NCOA3: variants seen among roughly 807,000 people sequenced by gnomAD.
NCOA3 encodes the protein nuclear receptor coactivator 3.
NCOA3 carries 51 observed loss-of-function variants against 158.8 expected under a neutral mutation model. The ratio of observed to expected loss-of-function variants is 0.32; its 90% CI spans 0.26 to 0.41. The LOEUF (loss-of-function observed/expected upper bound fraction) is 0.41, where lower values mean the gene tolerates loss of function less well. Ranked by LOEUF, NCOA3 falls within the 10% of genes least tolerant of loss-of-function variation. The pLI, the probability that NCOA3 is intolerant of heterozygous loss-of-function variation, is 1.00. For synonymous variants in NCOA3, 537 were observed against 592.4 expected, an observed-to-expected ratio of 0.91 and a Z score of 1.36; for missense variants, 1,510 against 1,746.6, an observed-to-expected ratio of 0.86 and a Z score of 2.41.
chr20:47,567,399 C>CT lies in NCOA3; in HGVS notation c.-98-15772dup, dbSNP rs533096346. On this transcript the variant is annotated intron_variant, in intron 1 of 22. Transcript: ENST00000371998. Reference sequence around the variant, plus strand: ...AATATTTGAGTACTTTTCTTTCTTTCTTTTTTTTTTTTAAAGAGCTAGGAT... The same window carrying CT: ...AATATTTGAGTACTTTTCTTTCTTTCTTTTTTTTTTTTTAAAGAGCTAGGAT... Among the ~76,000 whole-genome samples the CT allele has an allele frequency of 4.7e-3, 675 of 143,704 alleles. 4 individuals carry two copies. Among genetic ancestry groups the CT allele is most frequent in the African/African-American group, 8.4e-3 (331 of 39,494 alleles). The allele number at this position is 143,704 out of a possible 152,430, so 94.3% of individuals were successfully genotyped here.
intron 16 of NCOA3, 53 bp downstream of exon 16, chr20:47,640,104 A>G: frequency 6.2e-7 from 1 of 1,610,778 alleles, no homozygotes; most frequent in South Asian, 1.1e-5. Context: ...GGTAGTTTAG[A>G]AAAGAGTTGG....
intron 2 of NCOA3, among the ~76,000 whole-genome samples, chr20:47,593,300 T>A (rs1415168224): frequency 6.7e-6 from 1 of 149,704 alleles, no homozygotes; most frequent in Non-Finnish European, 1.5e-5. Flanking sequence ...TCTCGGAAAT[T>A]AACTCTTTGG....
chr20:47,511,134 G>A (rs372105575), intron 1 of NCOA3, among the ~76,000 whole-genome samples: 1 of 152,000 alleles, frequency 6.6e-6, no homozygotes, highest in African/African-American at 2.4e-5. Flanking sequence ...GTGATAAGTC[G>A]GTTTTGCCTA....
chr20:47,591,064 C>T lies in NCOA3; in HGVS notation c.-20+7803C>T, dbSNP rs374025270. Among the ~76,000 whole-genome samples, 25 of 152,108 alleles carry T rather than the reference C, an allele frequency of 1.6e-4. No homozygotes were observed. The East Asian group carries it at 3.1e-3, about 19-fold the overall frequency. On this transcript the variant is annotated intron_variant, in intron 2 of 22. Coordinates refer to ENST00000371998, the MANE Select transcript of NCOA3 (RefSeq NM_181659.3). ...GGCAGAGGCTGCAGTGAGCCGAGATCGCACCATTGCATTCCAGCCTGGGAA... is the reference window on the plus strand; with the variant it reads ...GGCAGAGGCTGCAGTGAGCCGAGATTGCACCATTGCATTCCAGCCTGGGAA...
intron 1 of NCOA3, among the ~76,000 whole-genome samples, chr20:47,533,745 A>G (rs978131268): frequency 1.3e-5 from 2 of 152,106 alleles, no homozygotes; most frequent in Non-Finnish European, 2.9e-5. Context: ...CCTGAGCAAC[A>G]TAGATCCTAT....
In NCOA3 at chr20:47,653,593, G is replaced by T. The variant is rs1007949716; in HGVS notation, c.*176G>T. On this transcript the variant is annotated 3_prime_UTR_variant, in exon 23 of 23. Coordinates refer to ENST00000371998, the MANE Select transcript of NCOA3 (RefSeq NM_181659.3). The stretch of plus-strand genomic sequence containing the variant: ...GCAGGACTGGATTTTAAGCCGAAGG[G>T]CAATATCTACGTGTTTTTCCCCCCT... The T allele has an allele frequency of 9.3e-5, 69 of 741,552 alleles. No homozygotes were observed. Among genetic ancestry groups the T allele is most frequent in the Non-Finnish European group, 1.2e-4 (53 of 442,106 alleles). 45.9% of individuals were successfully genotyped at this position (741,552 alleles called of 1,614,324 possible).
intron 1 of NCOA3, among the ~76,000 whole-genome samples, chr20:47,563,179 A>G (rs1165166270): frequency 1.3e-5 from 2 of 152,224 alleles, no homozygotes; most frequent in East Asian, 1.9e-4. Flanking sequence ...TTCCTAATCT[A>G]TCCTTTTTAT....
At position 47,627,143 on chromosome 20, in the gene NCOA3, A is replaced by G. The variant is rs2086335573; in HGVS notation, c.499A>G (p.Lys167Glu). Reference protein sequence around the residue: ...VYNILHEEDRKDFLKNLPKST... With the variant: ...VYNILHEEDREDFLKNLPKST... Reference sequence around the variant, plus strand: ...CAATATCTTACATGAAGAAGACAGAAAGGATTTTCTTAAGAATTTACCAAA... The same window carrying G: ...CAATATCTTACATGAAGAAGACAGAGAGGATTTTCTTAAGAATTTACCAAA... The change falls in exon 6 of 23, where the codon AAG becomes GAG. Residue 167 changes from lysine (K) to glutamate (E), a missense_variant. Transcript: ENST00000371998. The G allele has an allele frequency of 6.2e-7, 1 of 1,608,578 alleles. No individual in the cohort carries two copies. The highest frequency in any genetic ancestry group is 8.5e-7 in the Non-Finnish European group (1 of 1,177,858).
chr20:47,652,982 T>G lies in NCOA3; in HGVS notation c.4173T>G (p.Ser1391Arg), dbSNP rs1199002926. 35 of 1,614,218 alleles carry G rather than the reference T, an allele frequency of 2.2e-5. No homozygotes were observed. Among genetic ancestry groups the G allele is most frequent in the Non-Finnish European group, 2.9e-5 (34 of 1,180,026 alleles). ...ACCAGGGGAATCCTGCAGTGTATAG[T>G]ATGGTGCACATGAATGGCAGCAGTG... is the stretch of plus-strand genomic sequence containing the variant. ...FAHQGNPAVY[S>R]MVHMNGSSGH... is the part of the protein sequence containing the mutation. Residue 1391 changes from serine to arginine, a missense_variant, in exon 22 of 23, where the codon AGT (serine) becomes AGG (arginine). This residue lies in a region of NCOA3 where 180 missense variants were observed against 199.3 expected (regional missense o/e 0.90). Coordinates refer to ENST00000371998, the MANE Select transcript of NCOA3 (RefSeq NM_181659.3).
intron 2 of NCOA3, among the ~76,000 whole-genome samples, chr20:47,613,123 T>G (rs1244384808): frequency 6.6e-6 from 1 of 152,210 alleles, no homozygotes; most frequent in East Asian, 1.9e-4. Context: ...AATAGGATGT[T>G]TTACTTTATT....
intron 1 of NCOA3, among the ~76,000 whole-genome samples, chr20:47,509,008 TCTTTTA>T (rs2084072236): frequency 6.6e-6 from 1 of 152,234 alleles, no homozygotes; most frequent in African/African-American, 2.4e-5. Flanking sequence ...TGTACAATGC[TCTTTTA>T]CTTAAATTTT....
intron 1 of NCOA3, among the ~76,000 whole-genome samples, chr20:47,525,452 A>G (rs1472890654): frequency 1.3e-5 from 2 of 149,486 alleles, no homozygotes; most frequent in African/African-American, 5.0e-5. Context: ...TGTTGGGTAC[A>G]CCTCCCAGAC....
At chr20:47,651,382 C>T (rs1236482817) in intron 20 of NCOA3, 106 bp downstream of exon 20, 2 of 1,483,436 alleles carry the variant, frequency 1.3e-6, no homozygotes, top group Non-Finnish European at 1.8e-6. Flanking sequence ...TTCACTCCCT[C>T]TTTACTTCAC....
intron 1 of NCOA3, among the ~76,000 whole-genome samples, chr20:47,540,181 A>G (rs966331563): frequency 6.6e-6 from 1 of 152,144 alleles, no homozygotes; most frequent in Non-Finnish European, 1.5e-5. Context: ...CTGTATGTCA[A>G]CTTTGGCTTG....
chr20:47,558,473 T>G (rs1366049555), intron 1 of NCOA3, among the ~76,000 whole-genome samples: 2 of 152,020 alleles, frequency 1.3e-5, no homozygotes, highest in Admixed American at 1.3e-4. Context: ...AAGTTCTGTC[T>G]CTAAATATAG....
intron 2 of NCOA3, among the ~76,000 whole-genome samples, chr20:47,606,655 G>C (rs1175494972): frequency 6.6e-6 from 1 of 152,152 alleles, no homozygotes; most frequent in African/African-American, 2.4e-5. Context: ...GCCTGCCAAA[G>C]TATGATGGCT....
chr20:47,558,862 G>T (rs1302565352), intron 1 of NCOA3, among the ~76,000 whole-genome samples: 1 of 121,076 alleles, frequency 8.3e-6, no homozygotes, highest in Non-Finnish European at 1.7e-5. Context: ...CAACCTCCAT[G>T]ATTTCCTTGA....
intron 1 of NCOA3, among the ~76,000 whole-genome samples, chr20:47,521,434 GGGA>G (rs2084331844): frequency 6.6e-6 from 1 of 152,150 alleles, no homozygotes; most frequent in Admixed American, 6.5e-5. Context: ...ACCTGGACAA[GGGA>G]GGAGAAGGGG....
chr20:47,547,574 G>A (rs974674823), intron 1 of NCOA3, among the ~76,000 whole-genome samples: 8 of 151,220 alleles, frequency 5.3e-5, no homozygotes, highest in East Asian at 3.9e-4. Flanking sequence ...CACCATGCCC[G>A]ACTAATTTTT....
Sources: allele counts gnomAD v4.1 joint callset (sites outside exome capture counted in the v4.1 genomes callset), GRCh38; gene constraint gnomAD v4.1.1; regional missense constraint gnomAD v4.1.1; transcripts MANE v1.5; gene names NCBI Gene and HGNC (gene_info 2026-07-23, HGNC 2026-07-21).